Variants in CDH12 observed in about 807,000 individuals in gnomAD.
CDH12 encodes the protein cadherin-12.
A neutral mutation model predicts 74.1 loss-of-function variants in CDH12; 41 were observed. That is an observed-to-expected ratio of 0.55 (90% CI 0.43 to 0.72). The LOEUF is 0.72. Ranked by LOEUF, CDH12 falls within the 30% of genes least tolerant of loss-of-function variation. The pLI is 0.00. For missense variants in CDH12, 945 were observed against 977.2 expected (o/e 0.97, Z 0.44); for synonymous variants, 399 against 355.0 (o/e 1.12, Z -1.39).
rs545911999 is a variant in CDH12 at position 22,681,715 on chromosome 5, TA to T, written c.-523+171342del. On this transcript the variant is annotated intron_variant, in intron 1 of 14. Coordinates refer to ENST00000382254, the MANE Select transcript of CDH12 (RefSeq NM_004061.5). ...GTATTTCCAAAAGTGTCACTATATATAAAAAAGATCTGAAACATTGTGATTG... is the reference window on the plus strand; with the variant it reads ...GTATTTCCAAAAGTGTCACTATATATAAAAAGATCTGAAACATTGTGATTG... 3.2e-3 allele frequency among the ~76,000 whole-genome samples: 481 copies of T among 152,222 alleles called. 4 individuals carry two copies. Among genetic ancestry groups the T allele is most frequent in the African/African-American group, 0.011 (462 of 41,548 alleles).
At chr5:22,602,736 ACACCATGTTT>A in intron 1 of CDH12, among the ~76,000 whole-genome samples, 1 of 152,148 alleles carries the variant, frequency 6.6e-6, no homozygotes, top group Admixed American at 6.5e-5. Flanking sequence ...CTTCTAGCTA[ACACCATGTTT>A]CACTTATGAT....
chr5:22,244,800 G>GAAAGAAAGAAAGAA lies in CDH12; in HGVS notation c.-332-32158_-332-32157insTTCTTTCTTTCTTT, dbSNP rs1554023741. Among the ~76,000 whole-genome samples, 137 of 76,938 alleles carry GAAAGAAAGAAAGAA rather than the reference G, an allele frequency of 1.8e-3. 1 individual carries two copies. The highest frequency in any genetic ancestry group is 1.8e-3 in the Non-Finnish European group (50 of 28,526). 50.5% of individuals were successfully genotyped at this position (76,938 alleles called of 152,430 possible). A position where few individuals can be genotyped will look rare whatever the true frequency, so the allele number is the denominator to read the frequency against. On this transcript the variant is annotated intron_variant, in intron 3 of 14. Coordinates refer to ENST00000382254, the MANE Select transcript of CDH12 (RefSeq NM_004061.5). Reference sequence around the variant, plus strand: ...AGAAAGAAAGAAAGAAAGAAAGAAAGAAAAATTCAAAGTAGGAGTGGGGAG... The same window carrying GAAAGAAAGAAAGAA: ...AGAAAGAAAGAAAGAAAGAAAGAAAGAAAGAAAGAAAGAAAAAAATTCAAAGTAGGAGTGGGGAG...
chr5:22,744,698 CTCTA>C, intron 1 of CDH12, among the ~76,000 whole-genome samples: 1 of 152,146 alleles, frequency 6.6e-6, no homozygotes, highest in East Asian at 1.9e-4. Flanking sequence ...TCATCTATCT[CTCTA>C]CACATCATGA....
Position 22,287,931 on chromosome 5 carries a change from G to A in CDH12, c.-332-75288C>T, listed in dbSNP as rs572280115. On this transcript the variant is annotated intron_variant, in intron 3 of 14. Transcript: ENST00000382254. ...TCCTTTTCTAAGATATGGCTATTCC[G>A]TATGTGCAAGCTCTGTAGTTTAGCA... Among the ~76,000 whole-genome samples, 37 of 152,190 alleles carry A rather than the reference G, an allele frequency of 2.4e-4. No homozygotes were observed. In the South Asian group the frequency reaches 6.8e-3, roughly 28 times the overall value.
intron 1 of CDH12, among the ~76,000 whole-genome samples, chr5:22,545,519 T>A (rs1738277502): frequency 6.6e-6 from 1 of 152,192 alleles, no homozygotes; most frequent in South Asian, 2.1e-4. Flanking sequence ...AATAGCAGGG[T>A]CATAACAAAT....
chr5:22,533,464 A>G (rs1256182417), intron 1 of CDH12, among the ~76,000 whole-genome samples: 1 of 152,230 alleles, frequency 6.6e-6, no homozygotes, highest in Non-Finnish European at 1.5e-5. Context: ...CTATATAAGA[A>G]GGTCTTAGAG....
At chr5:22,225,787 G>C (rs576292870) in intron 3 of CDH12, among the ~76,000 whole-genome samples, 1 of 152,066 alleles carries the variant, frequency 6.6e-6, no homozygotes, top group Non-Finnish European at 1.5e-5. Context: ...GGCAATCCCA[G>C]TTAAGGCACC....
intron 3 of CDH12, among the ~76,000 whole-genome samples, chr5:22,385,884 CTTTTTT>C (rs969476085): frequency 1.0e-5 from 1 of 95,416 alleles, no homozygotes; most frequent in East Asian, 3.1e-4. Context: ...TGGCTACGCG[CTTTTTT>C]TTTTTTTTTT....
intron 7 of CDH12, among the ~76,000 whole-genome samples, chr5:21,853,589 G>A (rs1750590533): frequency 6.6e-6 from 1 of 151,556 alleles, no homozygotes; most frequent in African/African-American, 2.4e-5. Context: ...AACATCAGTA[G>A]ACCTTAAGTT....
chr5:22,126,393 A>T lies in CDH12; in HGVS notation c.-186-47531T>A, dbSNP rs1207771391. ...AGATATTATGAGGCACTAAGAAAAA[A>T]CTACTGCCTGCATCATACCTTTCTT... On this transcript the variant is annotated intron_variant, in intron 4 of 14. Coordinates refer to ENST00000382254, the MANE Select transcript of CDH12 (RefSeq NM_004061.5). Among the ~76,000 whole-genome samples, 4 of 152,214 alleles carry T rather than the reference A, an allele frequency of 2.6e-5. No homozygotes were observed. The East Asian group carries it at 7.7e-4, about 29-fold the overall frequency.
intron 7 of CDH12, among the ~76,000 whole-genome samples, chr5:21,853,698 A>G (rs1446115476): frequency 6.6e-6 from 1 of 151,704 alleles, no homozygotes; most frequent in Non-Finnish European, 1.5e-5. Context: ...CAATTATAAA[A>G]TGTTTAACTT....
chr5:21,956,999 A>C (rs1035452248), intron 6 of CDH12, among the ~76,000 whole-genome samples: 1 of 151,902 alleles, frequency 6.6e-6, no homozygotes, highest in Non-Finnish European at 1.5e-5. Flanking sequence ...TTTGTTGTAC[A>C]GATCATTTTG....
chr5:21,842,065 T>C, intron 8 of CDH12, 96 bp downstream of exon 8: 1 of 920,798 alleles, frequency 1.1e-6, no homozygotes, highest in Non-Finnish European at 1.7e-6. Context: ...AAAGACTAAG[T>C]GTCTGGAAAA....
At chr5:22,825,883 CTT>C (rs1456282560) in intron 1 of CDH12, among the ~76,000 whole-genome samples, 1 of 152,144 alleles carries the variant, frequency 6.6e-6, no homozygotes, top group African/African-American at 2.4e-5. Context: ...ATGGTGGTAA[CTT>C]GAGTCAGTGT....
In CDH12 at chr5:22,084,654, T is replaced by C. The variant is rs1742950520; in HGVS notation, c.-186-5792A>G. ...ATTTCAAGTCTCTATAACACTACAG[T>C]CCTTCAGTGAACAGATGAACCAATG... On this transcript the variant is annotated intron_variant, in intron 4 of 14. Transcript: ENST00000382254. 2.0e-5 allele frequency among the ~76,000 whole-genome samples: 3 copies of C among 152,280 alleles called. No individual in the cohort carries two copies. The South Asian group carries it at 6.2e-4, about 32-fold the overall frequency.
chr5:22,366,767 T>C (rs1741049500), intron 3 of CDH12, among the ~76,000 whole-genome samples: 1 of 152,198 alleles, frequency 6.6e-6, no homozygotes, highest in Non-Finnish European at 1.5e-5. Context: ...ACAGTTTAGA[T>C]AGAGTATATT....
intron 1 of CDH12, among the ~76,000 whole-genome samples, chr5:22,556,956 G>A (rs1738827250): frequency 6.6e-6 from 1 of 152,016 alleles, no homozygotes; most frequent in Admixed American, 6.6e-5. Flanking sequence ...AGGACAATTA[G>A]CAAACACAGA....
intron 2 of CDH12, among the ~76,000 whole-genome samples, chr5:22,499,077 T>G (rs1282862571): frequency 2.0e-5 from 3 of 151,466 alleles, no homozygotes; most frequent in Non-Finnish European, 2.9e-5. Context: ...CTAATTTTTT[T>G]TTTTTTTGGA....
chr5:22,795,308 T>A (rs1024934979), intron 1 of CDH12, among the ~76,000 whole-genome samples: 5 of 152,152 alleles, frequency 3.3e-5, no homozygotes, highest in African/African-American at 7.2e-5. Context: ...GTTCTTCTCA[T>A]ATAGCATTCA....
Sources: gnomAD v4.1 joint callset for allele counts (sites outside exome capture counted in the v4.1 genomes callset) on GRCh38, gnomAD v4.1.1 for gene constraint, MANE v1.5 for transcripts, NCBI Gene and HGNC (gene_info 2026-07-23, HGNC 2026-07-21) for gene names.